GULP1: variants seen among roughly 807,000 people sequenced by gnomAD.
The protein encoded by GULP1 is GULP PTB domain containing engulfment adaptor 1.
Under a neutral mutation model 40.9 loss-of-function variants are expected in GULP1, and 19 were observed. The observed-to-expected ratio is 0.46, with a 90% confidence interval of 0.32 to 0.68. The LOEUF (loss-of-function observed/expected upper bound fraction) is 0.68, where lower values mean the gene tolerates loss of function less well. GULP1 is among the 30% of genes least tolerant of loss of function. The pLI is 0.03. For missense variants in GULP1, 312 were observed against 362.2 expected (o/e 0.86, Z 1.12); for synonymous variants, 119 against 117.6 (o/e 1.01, Z -0.08).
chr2:188,305,521 T>C (rs2036903835), intron 1 of GULP1, among the ~76,000 whole-genome samples: 1 of 152,118 alleles, frequency 6.6e-6, no homozygotes, highest in Non-Finnish European at 1.5e-5. Context: ...CACAATCAGA[T>C]TAGAGTCCTG....
intron 6 of GULP1, among the ~76,000 whole-genome samples, chr2:188,540,300 T>C (rs1258805011): frequency 6.6e-6 from 1 of 152,130 alleles, no homozygotes; most frequent in Non-Finnish European, 1.5e-5. Flanking sequence ...ACGGATGATC[T>C]ATATGAATAT....
chr2:188,515,528 A>T (rs1054971079), intron 4 of GULP1, among the ~76,000 whole-genome samples: 2 of 152,122 alleles, frequency 1.3e-5, no homozygotes, highest in African/African-American at 4.8e-5. Flanking sequence ...GCTTGAGTGT[A>T]TGTTTCATTT....
intron 1 of GULP1, among the ~76,000 whole-genome samples, chr2:188,376,648 C>T (rs1224977987): frequency 6.6e-6 from 1 of 152,140 alleles, no homozygotes; most frequent in Non-Finnish European, 1.5e-5. Context: ...TTATACTTCA[C>T]TTGCAGTTAA....
rs183117774 is a variant in GULP1, at chr2:188,467,311, T to C, written c.-44-10348T>C. On this transcript the variant is annotated intron_variant, in intron 2 of 11. Coordinates refer to ENST00000409830, the MANE Select transcript of GULP1 (RefSeq NM_016315.4). ...AAGTGTTGCATATTTTCTCTCTGCC[T>C]GTAATATTCTTAATTTTATGATAAC... Among the ~76,000 whole-genome samples the C allele has an allele frequency of 5.9e-5, 9 of 152,308 alleles. No individual in the cohort carries two copies. In the East Asian group the frequency reaches 1.4e-3, roughly 23 times the overall value.
intron 1 of GULP1, among the ~76,000 whole-genome samples, chr2:188,337,086 GTATCTATATCTATATCTATATCTA>G (rs71020747): frequency 1.4e-4 from 21 of 145,564 alleles, no homozygotes; most frequent in Middle Eastern, 3.5e-3. Context: ...AAATATATCT[GTATCTATATCTATATCTATATCTA>G]TATCTATATC....
intron 1 of GULP1, among the ~76,000 whole-genome samples, chr2:188,307,934 A>G (rs1399213591): frequency 6.6e-6 from 1 of 152,212 alleles, no homozygotes; most frequent in Non-Finnish European, 1.5e-5. Context: ...AATAAGAGAA[A>G]CATTAATCAT....
chr2:188,361,861 AT>A (rs2046137270), intron 1 of GULP1, among the ~76,000 whole-genome samples: 1 of 151,944 alleles, frequency 6.6e-6, no homozygotes, highest in Admixed American at 6.6e-5. Context: ...TATTCAATAC[AT>A]TTTTTCTTAA....
chr2:188,333,193 C>G (rs1416400307), intron 1 of GULP1, among the ~76,000 whole-genome samples: 1 of 151,256 alleles, frequency 6.6e-6, no homozygotes, highest in African/African-American at 2.4e-5. Flanking sequence ...TTACAGTGAG[C>G]CAAGATCATG....
intron 4 of GULP1, among the ~76,000 whole-genome samples, chr2:188,511,941 T>G (rs2064604154): frequency 1.3e-5 from 2 of 152,166 alleles, no homozygotes; most frequent in South Asian, 4.1e-4. Flanking sequence ...ATTTTAGTTT[T>G]TTTCAGGATT....
In GULP1 at chr2:188,560,988, C is replaced by T. The variant is rs1380655530; in HGVS notation, c.400-8251C>T. Among the ~76,000 whole-genome samples the T allele has an allele frequency of 2.0e-5, 3 of 152,174 alleles. No individual in the cohort carries two copies. In the East Asian group the frequency reaches 5.8e-4, roughly 29 times the overall value. On this transcript the variant is annotated intron_variant, in intron 7 of 11. Coordinates refer to ENST00000409830, the MANE Select transcript of GULP1 (RefSeq NM_016315.4). Reference sequence around the variant, plus strand: ...GTCCCACCTCTAATACTGGAGATTACAATTTAATATGAGATTTTATGGGGA... The same window carrying T: ...GTCCCACCTCTAATACTGGAGATTATAATTTAATATGAGATTTTATGGGGA...
At chr2:188,516,758 G>A (rs775977803) in intron 4 of GULP1, among the ~76,000 whole-genome samples, 33 of 152,248 alleles carry the variant, frequency 2.2e-4, no homozygotes, top group Non-Finnish European at 2.2e-4. Context: ...GATGCTACAA[G>A]TCCTTGGACC....
At position 188,584,307 on chromosome 2, in the gene GULP1, G is replaced by C; in HGVS notation, c.652G>C (p.Asp218His). The change falls in exon 10 of 12, where the codon GAT (aspartate) becomes CAT (histidine). Residue 218 changes from aspartate to histidine, a missense_variant. Coordinates refer to ENST00000409830, the MANE Select transcript of GULP1 (RefSeq NM_016315.4). ...TPKSPSTDIF[D>H]MIPFSPISHQ... Reference sequence around the variant, plus strand: ...TAAGTCGCCCTCCACTGACATCTTTGATATGATTCCATTTTCTCCAATATC... The same window carrying C: ...TAAGTCGCCCTCCACTGACATCTTTCATATGATTCCATTTTCTCCAATATC... 1 of 1,608,816 alleles carries C rather than the reference G, an allele frequency of 6.2e-7. No individual in the cohort carries two copies. The highest frequency in any genetic ancestry group is 8.5e-7 in the Non-Finnish European group (1 of 1,175,500).
At chr2:188,344,281 A>G (rs928661264) in intron 1 of GULP1, among the ~76,000 whole-genome samples, 3 of 152,214 alleles carry the variant, frequency 2.0e-5, no homozygotes, top group Admixed American at 6.5e-5. Context: ...AACTGCTTGA[A>G]TATAAATTGG....
At position 188,373,058 on chromosome 2, in the gene GULP1, T is replaced by C. The variant is rs1164131584; in HGVS notation, c.-171-10705T>C. On this transcript the variant is annotated intron_variant, in intron 1 of 11. Transcript: ENST00000409830. ...ATATATTCATTTATATCACAGTGTG[T>C]TTTATGGAGCTGGGGAAGGGAATGA... Among the ~76,000 whole-genome samples the C allele has an allele frequency of 4.8e-5, 7 of 144,596 alleles. No individual in the cohort carries two copies. In the Admixed American group the frequency reaches 5.0e-4, roughly 10 times the overall value. The allele number at this position is 144,596 out of a possible 152,430, so 94.9% of individuals were successfully genotyped here. A position where few individuals can be genotyped will look rare whatever the true frequency, so the allele number is the denominator to read the frequency against.
chr2:188,457,465 A>G (rs2059359073), intron 2 of GULP1, among the ~76,000 whole-genome samples: 1 of 152,166 alleles, frequency 6.6e-6, no homozygotes, highest in South Asian at 2.1e-4. Flanking sequence ...GTTGCCATCC[A>G]CGTAGGATGT....
intron 1 of GULP1, among the ~76,000 whole-genome samples, chr2:188,381,853 T>C (rs1481585261): frequency 1.3e-5 from 2 of 152,184 alleles, no homozygotes; most frequent in African/African-American, 4.8e-5. Context: ...TGGAAGTATG[T>C]GATGATACAA....
At chr2:188,368,939 G>GTGTATATATATATA (rs1272494109) in intron 1 of GULP1, among the ~76,000 whole-genome samples, 11 of 86,060 alleles carry the variant, frequency 1.3e-4, no homozygotes, top group African/African-American at 3.7e-4. Flanking sequence ...ATATATGTGT[G>GTGTATATATATATA]TATATATATA....
Position 188,510,460 on chromosome 2 carries a change from A to G in GULP1, c.91-12296A>G, listed in dbSNP as rs116378325. On this transcript the variant is annotated intron_variant, in intron 4 of 11. Transcript: ENST00000409830. ...GCACTTAAATTTAAAAAATAATACT[A>G]CTAGATTTAAGAGAATTTGGTAAGC... is the stretch of plus-strand genomic sequence containing the variant. Among the ~76,000 whole-genome samples, 890 of 152,226 alleles carry G rather than the reference A, an allele frequency of 5.8e-3. 12 individuals are homozygous for G. The highest frequency in any genetic ancestry group is 0.021 in the African/African-American group (860 of 41,550).
chr2:188,571,150 C>G (rs1472894248), intron 9 of GULP1, among the ~76,000 whole-genome samples: 1 of 152,094 alleles, frequency 6.6e-6, no homozygotes, highest in Non-Finnish European at 1.5e-5. Context: ...GAGAAAGACT[C>G]TGTTTCAAAA....
Sources: allele counts gnomAD v4.1 joint callset (sites outside exome capture counted in the v4.1 genomes callset), GRCh38; gene constraint gnomAD v4.1.1; transcripts MANE v1.5; gene names NCBI Gene and HGNC (gene_info 2026-07-23, HGNC 2026-07-21).